The following SLC44A3 variants were observed in gnomAD, a reference collection of about 807,000 sequenced individuals.
SLC44A3 encodes solute carrier family 44 member 3.
Under a neutral mutation model 75.4 loss-of-function variants are expected in SLC44A3, and 74 were observed. The observed-to-expected ratio is 0.98, with a 90% CI of 0.81 to 1.19. The LOEUF (loss-of-function observed/expected upper bound fraction) is 1.19. Ranked by LOEUF, SLC44A3 falls within the 50% of genes most tolerant of loss-of-function variation. The pLI is 0.00. For synonymous variants in SLC44A3, 310 were observed against 296.9 expected, an observed-to-expected ratio of 1.04 and a Z score of -0.45; for missense variants, 700 against 778.6, an observed-to-expected ratio of 0.90 and a Z score of 1.20.
chr1:94,841,365 C>A (rs1480212340), intron 7 of SLC44A3, among the ~76,000 whole-genome samples: 2 of 152,188 alleles, frequency 1.3e-5, no homozygotes, highest in Non-Finnish European at 1.5e-5. Flanking sequence ...CTGCCCTCAG[C>A]AACTTAGAGC....
intron 10 of SLC44A3, among the ~76,000 whole-genome samples, chr1:94,859,911 G>A (rs1666372241): frequency 6.6e-6 from 1 of 152,172 alleles, no homozygotes; most frequent in Non-Finnish European, 1.5e-5. Context: ...TACAGATAGT[G>A]CCATATGGGG....
chr1:94,852,583 A>G (rs1022252227), intron 9 of SLC44A3, among the ~76,000 whole-genome samples: 1 of 152,194 alleles, frequency 6.6e-6, no homozygotes, highest in Admixed American at 6.5e-5. Flanking sequence ...TTTGGCTTCT[A>G]ACCTGAATTG....
At chr1:94,822,640 C>A (rs1660770056) in intron 2 of SLC44A3, among the ~76,000 whole-genome samples, 3 of 152,154 alleles carry the variant, frequency 2.0e-5, no homozygotes, top group Admixed American at 2.0e-4. Flanking sequence ...AAATGCAGCA[C>A]CAGCCTGTGT....
At chr1:94,877,403 G>T (rs1266132948) in intron 12 of SLC44A3, among the ~76,000 whole-genome samples, 1 of 152,100 alleles carries the variant, frequency 6.6e-6, no homozygotes, top group Non-Finnish European at 1.5e-5. Context: ...TCCCCACCTG[G>T]CCCCCTAACC....
At chr1:94,868,579 G>T (rs1667424724) in intron 12 of SLC44A3, among the ~76,000 whole-genome samples, 1 of 152,168 alleles carries the variant, frequency 6.6e-6, no homozygotes, top group Non-Finnish European at 1.5e-5. Flanking sequence ...CAAACCGTTT[G>T]AATACATTTG....
intron 12 of SLC44A3, among the ~76,000 whole-genome samples, chr1:94,871,520 C>G (rs1489997000): frequency 6.6e-6 from 1 of 152,212 alleles, no homozygotes; most frequent in Non-Finnish European, 1.5e-5. Context: ...GGTGTACTTA[C>G]TGTTTCTTAC....
Position 94,857,402 on chromosome 1 carries a change from G to T in SLC44A3, c.1140G>T (p.Trp380Cys), listed in dbSNP as rs1666014208. Residue 380 changes from tryptophan to cysteine, a missense_variant, in exon 10 of 15, where the codon TGG becomes TGT. Physicochemically the swap from Trp to Cys is radical, Grantham distance 215. Transcript: ENST00000271227. ...CCCTTTCGGGCATTCGGTACATGTG[G>T]TCGTACCATTTAATTGGCCTCATCT... ...YKPLSGIRYM[W>C]SYHLIGLIWT... 3 of 1,614,126 alleles carry T rather than the reference G, an allele frequency of 1.9e-6. No individual in the cohort carries two copies. The highest frequency in any genetic ancestry group is 2.5e-6 in the Non-Finnish European group (3 of 1,180,010).
intron 9 of SLC44A3, among the ~76,000 whole-genome samples, chr1:94,848,368 G>A (rs1426126659): frequency 6.6e-6 from 1 of 152,202 alleles, no homozygotes; most frequent in Non-Finnish European, 1.5e-5. Flanking sequence ...AGCTGGGGAT[G>A]AGGTGTGATG....
chr1:94,857,163 ATG>A (rs1665976726), intron 9 of SLC44A3, among the ~76,000 whole-genome samples, 170 bp from the exon 10 acceptor site: 1 of 152,184 alleles, frequency 6.6e-6, no homozygotes, highest in Non-Finnish European at 1.5e-5. Flanking sequence ...TAGAAGTTAA[ATG>A]TGTGTTTTTG....
intron 10 of SLC44A3, among the ~76,000 whole-genome samples, chr1:94,861,915 T>C (rs1326865291): frequency 2.6e-5 from 4 of 152,148 alleles, no homozygotes; most frequent in Non-Finnish European, 5.9e-5. Context: ...GGAGGGACAC[T>C]TGAGGTGTGA....
intron 10 of SLC44A3, 152 bp downstream of exon 10, chr1:94,857,652 C>T (rs369214586): frequency 1.4e-6 from 1 of 711,602 alleles, no homozygotes. Flanking sequence ...GGGCTGTATT[C>T]TCATTTGGTG....
At chr1:94,844,528 G>A (rs1370289463) in intron 8 of SLC44A3, among the ~76,000 whole-genome samples, 1 of 152,216 alleles carries the variant, frequency 6.6e-6, no homozygotes, top group Non-Finnish European at 1.5e-5. Flanking sequence ...GCCAAGGGAG[G>A]AAAATGTTTC....
At chr1:94,842,999 C>A (rs1293589628) in intron 8 of SLC44A3, 5 of 152,198 alleles carry the variant, frequency 3.3e-5, no homozygotes, top group Non-Finnish European at 7.3e-5. Flanking sequence ...AGTAAAGCAC[C>A]TGGTTGCTCT....
chr1:94,860,772 A>T lies in SLC44A3; in HGVS notation c.1238+3272A>T, dbSNP rs146933478. On this transcript the variant is annotated intron_variant, in intron 10 of 14. Coordinates refer to ENST00000271227, the MANE Select transcript of SLC44A3 (RefSeq NM_001114106.3). Reference sequence around the variant, plus strand: ...GCAGTCCCAAGATTTCCCTGCCCTCATCCTTTCTAGCAGGGATGTTCCCCA... The same window carrying T: ...GCAGTCCCAAGATTTCCCTGCCCTCTTCCTTTCTAGCAGGGATGTTCCCCA... Among the ~76,000 whole-genome samples the T allele has an allele frequency of 2.1e-4, 32 of 152,362 alleles. 1 individual carries two copies. The East Asian group carries it at 6.0e-3, about 28-fold the overall frequency.
chr1:94,864,707 G>A (rs748234557), intron 10 of SLC44A3, 36 bp from the exon 11 acceptor site: 27 of 1,592,954 alleles, frequency 1.7e-5, no homozygotes, highest in Non-Finnish European at 3.4e-6. Context: ...TTTATAAAAA[G>A]TGTTTTTAAA....
At chr1:94,834,947 G>A (rs943204512) in intron 5 of SLC44A3, among the ~76,000 whole-genome samples, 5 of 152,166 alleles carry the variant, frequency 3.3e-5, no homozygotes, top group Non-Finnish European at 5.9e-5. Context: ...AGGTGATCAA[G>A]GTCAACTTCA....
chr1:94,889,082 CA>C (rs1669924994), intron 12 of SLC44A3: 2 of 152,038 alleles, frequency 1.3e-5, no homozygotes, highest in South Asian at 4.2e-4. Flanking sequence ...CTTTAAGAAC[CA>C]AACATTCTTC....
Position 94,824,531 on chromosome 1 carries a change from G to A in SLC44A3, c.174G>A (p.Ala58=), listed in dbSNP as rs562155133. 27 of 1,610,554 alleles carry A rather than the reference G, an allele frequency of 1.7e-5. 1 individual carries two copies. The highest frequency in any genetic ancestry group is 3.3e-4 in the Middle Eastern group (2 of 5,996). Residue 58 remains alanine (A), a synonymous_variant, in exon 3 of 15, where the codon GCG becomes GCA. Transcript: ENST00000271227. ...GCTACTCGGTGGTGGCTGGAGCCGCGGGAAGACTCCTCTTTGGCTATGACA... is the reference window on the plus strand; with the variant it reads ...GCTACTCGGTGGTGGCTGGAGCCGCAGGAAGACTCCTCTTTGGCTATGACA... ...IMGYSVVAGA[A]GRLLFGYDSF...
At chr1:94,833,064 G>A (rs1468615055) in intron 5 of SLC44A3, among the ~76,000 whole-genome samples, 1 of 152,032 alleles carries the variant, frequency 6.6e-6, no homozygotes, top group Admixed American at 6.6e-5. Flanking sequence ...GCTTGGCCCA[G>A]GAGCAAGTGG....
Sources: allele counts gnomAD v4.1 joint callset (sites outside exome capture counted in the v4.1 genomes callset), GRCh38; gene constraint gnomAD v4.1.1; transcripts MANE v1.5; gene names NCBI Gene and HGNC (gene_info 2026-07-23, HGNC 2026-07-21).